FREM3: variants seen among roughly 807,000 people sequenced by gnomAD.
FREM3 encodes FRAS1-related extracellular matrix protein 3.
FREM3 carries 105 observed loss-of-function variants against 129.1 expected under a neutral mutation model. The observed-to-expected ratio is 0.81, with a 90% CI of 0.69 to 0.96. The LOEUF (loss-of-function observed/expected upper bound fraction) is 0.96, where lower values mean the gene tolerates loss of function less well. Among genes scored for constraint, FREM3 ranks in the 40% least tolerant of loss-of-function variants. FREM3 has a pLI of 0.00. For synonymous variants in FREM3, 1,014 were observed against 1,044.9 expected, an observed-to-expected ratio of 0.97 and a Z score of 0.57; for missense variants, 2,593 against 2,666.3, an observed-to-expected ratio of 0.97 and a Z score of 0.61.
Position 143,698,731 on chromosome 4 carries a change from C to A in FREM3, c.1945G>T (p.Asp649Tyr). The A allele has an allele frequency of 6.5e-7, 1 of 1,537,314 alleles. No homozygotes were observed. Among genetic ancestry groups the A allele is most frequent in the South Asian group, 1.2e-5 (1 of 84,060 alleles). Residue 649 changes from aspartate (D) to tyrosine (Y), a missense_variant, in exon 1 of 8, where the codon GAC (aspartate) becomes TAC (tyrosine). This residue lies in a region of FREM3 where 2,276 missense variants were observed against 2,267.2 expected (regional missense o/e 1.00). Transcript: ENST00000329798. Reference sequence around the variant, plus strand: ...TAGAAGAGTCTCCCTTCCATTATGTCTCTCTGTAGCCACTCAGTCACCACT... The same window carrying A: ...TAGAAGAGTCTCCCTTCCATTATGTATCTCTGTAGCCACTCAGTCACCACT... ...EKVVTEWLQR[D>Y]IMEGRLFYRH...
chr4:143,662,415 T>A (rs1429948296), intron 2 of FREM3, among the ~76,000 whole-genome samples: 2 of 152,226 alleles, frequency 1.3e-5, no homozygotes, highest in African/African-American at 4.8e-5. Context: ...AGTTTCTTAA[T>A]CCTGAGTAGT....
At chr4:143,663,315 A>G (rs1739780162) in intron 2 of FREM3, among the ~76,000 whole-genome samples, 1 of 151,958 alleles carries the variant, frequency 6.6e-6, no homozygotes, top group South Asian at 2.1e-4. Flanking sequence ...CTTGTCTGTA[A>G]AGTATTTTAT....
intron 2 of FREM3, among the ~76,000 whole-genome samples, chr4:143,632,261 T>C (rs1437941012): frequency 6.6e-6 from 1 of 152,096 alleles, no homozygotes; most frequent in Non-Finnish European, 1.5e-5. Context: ...AAGCAAATAA[T>C]GTATAATATA....
At chr4:143,628,399 T>C (rs914491009) in intron 2 of FREM3, among the ~76,000 whole-genome samples, 6 of 152,094 alleles carry the variant, frequency 3.9e-5, no homozygotes, top group African/African-American at 1.4e-4. Context: ...AGCCCCTTAT[T>C]GTGGCTGTGT....
At chr4:143,588,808 G>A (rs1738295929) in intron 6 of FREM3, among the ~76,000 whole-genome samples, 1 of 150,248 alleles carries the variant, frequency 6.7e-6, no homozygotes, top group African/African-American at 2.5e-5. Context: ...AGATCCCTGA[G>A]GAATCGCCAC....
At chr4:143,632,054 A>G (rs1739149754) in intron 2 of FREM3, among the ~76,000 whole-genome samples, 1 of 152,186 alleles carries the variant, frequency 6.6e-6, no homozygotes. Flanking sequence ...TCTCTTGTAG[A>G]TCTAAGTTAT....
At chr4:143,683,333 G>A (rs534131431) in intron 2 of FREM3, among the ~76,000 whole-genome samples, 1 of 152,258 alleles carries the variant, frequency 6.6e-6, no homozygotes, top group South Asian at 2.1e-4. Context: ...ACCTGGGAGA[G>A]TCCCCCCCAA....
Position 143,697,966 on chromosome 4 carries a change from G to A in FREM3, c.2710C>T (p.His904Tyr). Residue 904 changes from histidine (H) to tyrosine (Y), a missense_variant, in exon 1 of 8, where the codon CAT becomes TAT. Physicochemically the swap from His to Tyr is moderately conservative, Grantham distance 83. Around this residue, in one of 2 missense-constraint regions of FREM3, gnomAD observed 2,276 missense variants for 2,267.2 expected, o/e 1.00. Coordinates refer to ENST00000329798, the MANE Select transcript of FREM3 (RefSeq NM_001168235.2). ...CTGGTAGTCGTCTGGTCTCTGCCAT[G>A]CTGGTAAGAGACACTCCCGTTAATA... ...DVINGSVSYQ[H>Y]GRDQTTTSDT... 1.3e-6 allele frequency: 2 copies of A among 1,537,702 alleles called. No homozygotes were observed. Among genetic ancestry groups the A allele is most frequent in the Non-Finnish European group, 1.7e-6 (2 of 1,147,012 alleles).
chr4:143,638,375 A>G (rs878924102), intron 2 of FREM3, among the ~76,000 whole-genome samples: 5 of 152,174 alleles, frequency 3.3e-5, no homozygotes, highest in Admixed American at 3.3e-4. Flanking sequence ...GAGGCTCCAC[A>G]TGGCTTAACT....
rs528836307 is a variant in FREM3 at position 143,648,162 on chromosome 4, G to A, written c.5276-20402C>T. 4.5e-4 allele frequency among the ~76,000 whole-genome samples: 68 copies of A among 152,280 alleles called. No individual in the cohort carries two copies. The Middle Eastern group carries it at 0.017, about 38-fold the overall frequency. Reference sequence around the variant, plus strand: ...TCTGGAATTGCATGGGGCCTGTAGCGCCTTTGTTTTGACCAGTTTCTCTCA... The same window carrying A: ...TCTGGAATTGCATGGGGCCTGTAGCACCTTTGTTTTGACCAGTTTCTCTCA... On this transcript the variant is annotated intron_variant, in intron 2 of 7. Coordinates refer to ENST00000329798, the MANE Select transcript of FREM3 (RefSeq NM_001168235.2).
chr4:143,675,617 A>G (rs1303164145), intron 2 of FREM3, among the ~76,000 whole-genome samples: 11 of 152,176 alleles, frequency 7.2e-5, no homozygotes, highest in Admixed American at 2.6e-4. Flanking sequence ...TTTTTTGAAA[A>G]GATCAACAAA....
At chr4:143,652,146 CTTTTTTTT>C (rs1030414098) in intron 2 of FREM3, among the ~76,000 whole-genome samples, 4 of 58,510 alleles carry the variant, frequency 6.8e-5, no homozygotes, top group African/African-American at 2.9e-4. Flanking sequence ...TTTTTCCTTT[CTTTTTTTT>C]TTTTTTTTTT....
chr4:143,577,592 T>C lies in FREM3; in HGVS notation c.*19A>G, dbSNP rs1578816996. The C allele has an allele frequency of 1.3e-6, 2 of 1,529,780 alleles. No individual in the cohort carries two copies. Among genetic ancestry groups the C allele is most frequent in the African/African-American group, 2.7e-5 (2 of 72,822 alleles). 94.8% of individuals were successfully genotyped at this position (1,529,780 alleles called of 1,614,324 possible). On this transcript the variant is annotated 3_prime_UTR_variant, in exon 8 of 8. Transcript: ENST00000329798. ...GTTAGGAGACATATCTTGGCTGTTT[T>C]TTTCCCTCTTAAAGTCTTTCAATCA...
At chr4:143,616,872 A>G (rs866773069) in intron 5 of FREM3, among the ~76,000 whole-genome samples, 33 of 152,304 alleles carry the variant, frequency 2.2e-4, no homozygotes, top group African/African-American at 7.7e-4. Flanking sequence ...AAAAAATCCA[A>G]TCGGAGAAGT....
intron 2 of FREM3, among the ~76,000 whole-genome samples, chr4:143,647,519 A>G (rs1739440017): frequency 6.6e-6 from 1 of 152,160 alleles, no homozygotes; most frequent in African/African-American, 2.4e-5. Context: ...GGATGGGCCC[A>G]GGGCCTTGCT....
chr4:143,684,192 G>A (rs1740312398), intron 2 of FREM3, among the ~76,000 whole-genome samples: 1 of 152,134 alleles, frequency 6.6e-6, no homozygotes, highest in Admixed American at 6.5e-5. Context: ...CCTAGCAGGA[G>A]ATCAACCAGC....
intron 6 of FREM3, among the ~76,000 whole-genome samples, chr4:143,603,228 T>G (rs921626333): frequency 1.3e-5 from 2 of 152,126 alleles, no homozygotes; most frequent in Non-Finnish European, 2.9e-5. Context: ...TGGACTGCAG[T>G]GATGAGCCAA....
intron 2 of FREM3, among the ~76,000 whole-genome samples, chr4:143,679,822 C>A (rs920132424): frequency 6.6e-6 from 1 of 152,096 alleles, no homozygotes; most frequent in Admixed American, 6.6e-5. Flanking sequence ...AAGAACCAAA[C>A]AAGAAGGACT....
At chr4:143,626,290 T>G (rs763219764) in intron 3 of FREM3, among the ~76,000 whole-genome samples, 9 of 152,188 alleles carry the variant, frequency 5.9e-5, no homozygotes, top group Non-Finnish European at 1.3e-4. Context: ...CCTGACCTTA[T>G]AAAGCTGAAA....
Sources: gnomAD v4.1 joint callset for allele counts (sites outside exome capture counted in the v4.1 genomes callset) on GRCh38, gnomAD v4.1.1 for gene constraint, gnomAD v4.1.1 regional missense constraint, MANE v1.5 for transcripts, NCBI Gene and HGNC (gene_info 2026-07-23, HGNC 2026-07-21) for gene names.